Variants in VOPP1 observed in about 807,000 individuals in gnomAD.
VOPP1 encodes VOPP1 WW domain binding protein.
Under a neutral mutation model 23.5 loss-of-function variants are expected in VOPP1, and 8 were observed. That is an observed-to-expected ratio of 0.34 (90% CI 0.20 to 0.61). The LOEUF is 0.61. Among genes scored for constraint, VOPP1 ranks in the 20% least tolerant of loss-of-function variants. VOPP1 has a pLI of 0.78. For synonymous variants in VOPP1, 83 were observed against 97.3 expected (o/e 0.85, Z 0.86); for missense variants, 174 against 238.1 (o/e 0.73, Z 1.77).
rs368142735 is a variant in VOPP1, at chr7:55,547,886, G to A, written c.54+24385C>T. 5.4e-4 allele frequency among the ~76,000 whole-genome samples: 83 copies of A among 152,310 alleles called. No individual in the cohort carries two copies. In the South Asian group the frequency reaches 0.015, roughly 28 times the overall value. On this transcript the variant is annotated intron_variant, in intron 1 of 4. Coordinates refer to ENST00000285279, the MANE Select transcript of VOPP1 (RefSeq NM_030796.5). ...GGCAGGCTGTGCCCTGAGCCTGCAG[G>A]CATGTGCATTTACTACCCTGTGCAC...
intron 2 of VOPP1, among the ~76,000 whole-genome samples, chr7:55,516,493 C>T (rs900126489): frequency 2.6e-5 from 4 of 152,118 alleles, no homozygotes; most frequent in African/African-American, 9.7e-5. Context: ...CAGTAGAAAA[C>T]CTACATTTCA....
rs1209639326 is a variant in VOPP1, at chr7:55,521,115, T to C, written c.70A>G (p.Lys24Glu). The change falls in exon 2 of 5, where the codon AAG becomes GAG. Residue 24 changes from lysine (K) to glutamate (E), a missense_variant. Lys to Glu is a moderately conservative substitution (Grantham distance 56). Transcript: ENST00000285279. ...AGTCCTTCGAAATACCAGCAATGCT[T>C]TTTGGCTTCTGTGCACTGCAAATAG... ...GLLLECTEAKKHCWYFEGLYP... is the reference protein window; with the variant it reads ...GLLLECTEAKEHCWYFEGLYP... 6.3e-7 allele frequency: 1 copy of C among 1,581,760 alleles called. No individual in the cohort carries two copies. The highest frequency in any genetic ancestry group is 2.3e-5 in the East Asian group (1 of 43,856).
intron 3 of VOPP1, among the ~76,000 whole-genome samples, chr7:55,494,312 C>T (rs998405285): frequency 6.6e-6 from 1 of 152,160 alleles, no homozygotes; most frequent in African/African-American, 2.4e-5. Context: ...ATATACAAAG[C>T]ACAGAGAGGC....
At chr7:55,570,311 G>A (rs1007214727) in intron 1 of VOPP1, among the ~76,000 whole-genome samples, 4 of 152,196 alleles carry the variant, frequency 2.6e-5, no homozygotes, top group Non-Finnish European at 5.9e-5. Flanking sequence ...GTGGTACTTA[G>A]GATAATCATC....
chr7:55,499,454 A>G (rs1794211039), intron 2 of VOPP1, among the ~76,000 whole-genome samples: 1 of 152,208 alleles, frequency 6.6e-6, no homozygotes, highest in Non-Finnish European at 1.5e-5. Flanking sequence ...AGGGGCTACT[A>G]GGAGCCTGCT....
At chr7:55,553,452 T>C (rs950562496) in intron 1 of VOPP1, among the ~76,000 whole-genome samples, 1 of 152,216 alleles carries the variant, frequency 6.6e-6, no homozygotes, top group African/African-American at 2.4e-5. Flanking sequence ...TAGGCTTGGC[T>C]GTAAACTCCA....
At position 55,520,328 on chromosome 7, in the gene VOPP1, G is replaced by A. The variant is rs945355047; in HGVS notation, c.113+744C>T. 3.9e-5 allele frequency among the ~76,000 whole-genome samples: 6 copies of A among 152,076 alleles called. No homozygotes were observed. The South Asian group carries it at 6.2e-4, about 16-fold the overall frequency. ...CAATACTAAAAATAATAGAGCTTTCGGGAAAATTTGGTTAGGGCATTCGAC... is the reference window on the plus strand; with the variant it reads ...CAATACTAAAAATAATAGAGCTTTCAGGAAAATTTGGTTAGGGCATTCGAC... On this transcript the variant is annotated intron_variant, in intron 2 of 4. Coordinates refer to ENST00000285279, the MANE Select transcript of VOPP1 (RefSeq NM_030796.5).
chr7:55,562,339 A>G (rs905781523), intron 1 of VOPP1, among the ~76,000 whole-genome samples: 7 of 152,156 alleles, frequency 4.6e-5, no homozygotes, highest in Non-Finnish European at 1.0e-4. Flanking sequence ...CTCCCTTTAC[A>G]AAGAAAGGCA....
Position 55,497,696 on chromosome 7 carries a change from G to T in VOPP1, c.114-6C>A. The T allele has an allele frequency of 6.2e-7, 1 of 1,613,932 alleles. No homozygotes were observed. Among genetic ancestry groups the T allele is most frequent in the Non-Finnish European group, 8.5e-7 (1 of 1,179,806 alleles). ...AGTCCTCGTAGGAGCGGCATCTGTG[G>T]AGAGAGGCACAGGCTGGTCAGCACT... On this transcript the variant is annotated splice_region_variant and splice_polypyrimidine_tract_variant and intron_variant, in intron 2 of 4. Transcript: ENST00000285279.
intron 1 of VOPP1, chr7:55,552,504 A>C (rs944534298): frequency 7.6e-7 from 1 of 1,311,468 alleles, no homozygotes; most frequent in African/African-American, 1.5e-5. Flanking sequence ...CTCACACAGG[A>C]TGGATCTCCA....
At chr7:55,544,933 CTTT>C (rs1212754720) in intron 1 of VOPP1, among the ~76,000 whole-genome samples, 1 of 152,156 alleles carries the variant, frequency 6.6e-6, no homozygotes, top group African/African-American at 2.4e-5. Context: ...ATACATTTTA[CTTT>C]CGTGTAATCG....
chr7:55,491,681 G>C (rs993716503), intron 4 of VOPP1, among the ~76,000 whole-genome samples: 1 of 152,220 alleles, frequency 6.6e-6, no homozygotes, highest in African/African-American at 2.4e-5. Context: ...CAAGAATTAA[G>C]AAACAGCTAA....
intron 4 of VOPP1, among the ~76,000 whole-genome samples, chr7:55,452,310 C>A (rs184548802): frequency 1.4e-4 from 21 of 152,294 alleles, no homozygotes; most frequent in Admixed American, 1.2e-3. Context: ...ATTTCTCTTG[C>A]TATTTCCACC....
At chr7:55,505,647 AAGGAAGGGAGGGAGGGAGGGAGGG>A (rs1181581841) in intron 2 of VOPP1, among the ~76,000 whole-genome samples, 24 of 105,608 alleles carry the variant, frequency 2.3e-4, no homozygotes, top group African/African-American at 7.6e-4. Context: ...AAAAGGAAGG[AAGGAAGGGAGGGAGGGAGGGAGGG>A]AGGGAGGGAG....
chr7:55,443,204 TATAGAA>T (rs1380496670), intron 4 of VOPP1, among the ~76,000 whole-genome samples: 1 of 152,076 alleles, frequency 6.6e-6, no homozygotes, highest in African/African-American at 2.4e-5. Context: ...TTCAAAAAGA[TATAGAA>T]ATCTCATGCT....
Position 55,497,601 on chromosome 7 carries a change from G to A in VOPP1, c.191+12C>T. The A allele has an allele frequency of 6.4e-7, 1 of 1,564,916 alleles. No homozygotes were observed. Among genetic ancestry groups the A allele is most frequent in the Non-Finnish European group, 8.8e-7 (1 of 1,138,848 alleles). Reference sequence around the variant, plus strand: ...CTCTCGGGGTAGGGAACAAGGAGGAGTTGTGACCTACCAGAAGTACCACAG... The same window carrying A: ...CTCTCGGGGTAGGGAACAAGGAGGAATTGTGACCTACCAGAAGTACCACAG... On this transcript the variant is annotated intron_variant, in intron 3 of 4. Transcript: ENST00000285279.
At chr7:55,545,770 C>T (rs150552957) in intron 1 of VOPP1, among the ~76,000 whole-genome samples, 1 of 152,156 alleles carries the variant, frequency 6.6e-6, no homozygotes, top group Non-Finnish European at 1.5e-5. Flanking sequence ...AGAGCTGCAG[C>T]TCTTGTGTTT....
chr7:55,439,773 C>T (rs1168981788), intron 4 of VOPP1, among the ~76,000 whole-genome samples: 1 of 152,186 alleles, frequency 6.6e-6, no homozygotes, highest in Non-Finnish European at 1.5e-5. Context: ...GCATCTGCTG[C>T]CTGAGGATGG....
intron 1 of VOPP1, among the ~76,000 whole-genome samples, chr7:55,566,936 T>C (rs878909969): frequency 6.6e-6 from 1 of 152,226 alleles, no homozygotes; most frequent in Admixed American, 6.5e-5. Flanking sequence ...GTCATTGTGA[T>C]ATTTCTGAAA....
Sources: gnomAD v4.1 joint callset for allele counts (sites outside exome capture counted in the v4.1 genomes callset) on GRCh38, gnomAD v4.1.1 for gene constraint, MANE v1.5 for transcripts, NCBI Gene and HGNC (gene_info 2026-07-23, HGNC 2026-07-21) for gene names.